The following STARD13 variants were observed in gnomAD, a reference collection of about 807,000 sequenced individuals.
The protein encoded by STARD13 is stAR-related lipid transfer protein 13.
Under a neutral mutation model 106.4 loss-of-function variants are expected in STARD13, and 62 were observed. That is an observed-to-expected ratio of 0.58 (90% CI 0.48 to 0.72). The LOEUF (loss-of-function observed/expected upper bound fraction) is 0.72. STARD13 is among the 30% of genes least tolerant of loss of function. STARD13 has a pLI of 0.00. For synonymous variants in STARD13, 565 were observed against 553.0 expected (o/e 1.02, Z -0.31); for missense variants, 1,387 against 1,424.0 (o/e 0.97, Z 0.42).
At chr13:33,653,294 A>G in the STARD13 span, among the ~76,000 whole-genome samples, 3 of 152,174 alleles carry the variant, frequency 2.0e-5, no homozygotes, top group Non-Finnish European at 2.9e-5. Context: ...AACTTGCAGT[A>G]ATCAAAACAG....
At chr13:33,533,599 C>A in the STARD13 span, among the ~76,000 whole-genome samples, 3 of 151,812 alleles carry the variant, frequency 2.0e-5, no homozygotes, top group Non-Finnish European at 2.9e-5. Context: ...TGTTTCCATT[C>A]AATAAAATTA....
At chr13:33,582,473 G>A in the STARD13 span, among the ~76,000 whole-genome samples, 5 of 152,144 alleles carry the variant, frequency 3.3e-5, no homozygotes, top group African/African-American at 1.2e-4. Context: ...TGTACTCTGT[G>A]CCCAACAGAA....
chr13:33,140,231 T>C (rs1334695903), intron 4 of STARD13, among the ~76,000 whole-genome samples: 1 of 152,258 alleles, frequency 6.6e-6, no homozygotes, highest in Non-Finnish European at 1.5e-5. Flanking sequence ...ACAACTCATG[T>C]CATTAGTTTT....
At chr13:33,306,814 G>A (rs2138483343) in intron 1 of STARD13, among the ~76,000 whole-genome samples, 1 of 152,272 alleles carries the variant, frequency 6.6e-6, no homozygotes, top group East Asian at 1.9e-4. Flanking sequence ...GCCAGGAGTG[G>A]TGGTACATGC....
At chr13:33,572,466 G>T in the STARD13 span, among the ~76,000 whole-genome samples, 1 of 152,120 alleles carries the variant, frequency 6.6e-6, no homozygotes, top group East Asian at 1.9e-4. Flanking sequence ...TCCACCACGT[G>T]GCTGTGCTGG....
intron 1 of STARD13, among the ~76,000 whole-genome samples, chr13:33,206,396 C>CACACACACACACACA (rs60105580): frequency 1.3e-5 from 2 of 148,462 alleles, no homozygotes; most frequent in Non-Finnish European, 3.0e-5. Flanking sequence ...CACACACACA[C>CACACACACACACACA]CCATAAATAA....
At chr13:33,598,834 G>A in the STARD13 span, among the ~76,000 whole-genome samples, 1 of 152,206 alleles carries the variant, frequency 6.6e-6, no homozygotes, top group Non-Finnish European at 1.5e-5. Context: ...CGGGAGCTGG[G>A]CATTTTTCAT....
At chr13:33,424,555 G>A in the STARD13 span, among the ~76,000 whole-genome samples, 1 of 152,146 alleles carries the variant, frequency 6.6e-6, no homozygotes, top group Non-Finnish European at 1.5e-5. Context: ...CAAGCCCAGG[G>A]TCTCCTGTGT....
At chr13:33,607,823 G>A in the STARD13 span, among the ~76,000 whole-genome samples, 3 of 152,048 alleles carry the variant, frequency 2.0e-5, no homozygotes, top group African/African-American at 7.2e-5. Flanking sequence ...ATAATCAGAT[G>A]ACATAATTTT....
chr13:33,207,448 G>C lies in STARD13; in HGVS notation c.170-39826C>G, dbSNP rs1324140923. Reference sequence around the variant, plus strand: ...AGAGGTACTCACTCTAAGAGAGGGAGTATAGAGTATTGTGAGAAGCCTGAG... The same window carrying C: ...AGAGGTACTCACTCTAAGAGAGGGACTATAGAGTATTGTGAGAAGCCTGAG... On this transcript the variant is annotated intron_variant, in intron 1 of 13. Transcript: ENST00000336934. 8.5e-4 allele frequency among the ~76,000 whole-genome samples: 129 copies of C among 152,356 alleles called. 1 individual carries two copies. The Middle Eastern group carries it at 0.01, about 12-fold the overall frequency.
At chr13:33,112,637 A>T (rs1337635615) in intron 9 of STARD13, 84 bp downstream of exon 9, 3 of 1,016,428 alleles carry the variant, frequency 3.0e-6, no homozygotes, top group African/African-American at 1.6e-5. Flanking sequence ...GTATCTATCT[A>T]TCCATCCATC....
At chr13:33,543,295 A>G in the STARD13 span, among the ~76,000 whole-genome samples, 1 of 152,174 alleles carries the variant, frequency 6.6e-6, no homozygotes, top group Non-Finnish European at 1.5e-5. Flanking sequence ...CCTGCTGTGT[A>G]TGTTAGGAAC....
chr13:33,486,428 A>G, the STARD13 span, among the ~76,000 whole-genome samples: 2 of 152,174 alleles, frequency 1.3e-5, no homozygotes, highest in Non-Finnish European at 2.9e-5. Context: ...TAACTTATAA[A>G]TTGGGCACAG....
At chr13:33,159,442 C>T (rs559417149) in intron 3 of STARD13, among the ~76,000 whole-genome samples, 1 of 152,322 alleles carries the variant, frequency 6.6e-6, no homozygotes, top group South Asian at 2.1e-4. Flanking sequence ...TCAACACCCA[C>T]ATGTTTGAGA....
chr13:33,290,592 C>T (rs1254942318), upstream of STARD13, among the ~76,000 whole-genome samples: 2 of 152,262 alleles, frequency 1.3e-5, no homozygotes, highest in Admixed American at 1.3e-4. Context: ...GAGTCCAGAT[C>T]CTGCCGCAAA....
the STARD13 span, among the ~76,000 whole-genome samples, chr13:33,392,847 G>A: frequency 6.6e-6 from 1 of 152,130 alleles, no homozygotes; most frequent in Non-Finnish European, 1.5e-5. Flanking sequence ...GCCTCATGTG[G>A]GTCACCTTTC....
chr13:33,418,193 G>T, the STARD13 span, among the ~76,000 whole-genome samples: 2 of 152,206 alleles, frequency 1.3e-5, no homozygotes, highest in African/African-American at 4.8e-5. Flanking sequence ...GCCAAGAGAA[G>T]CCGTGACAGA....
Position 33,105,582 on chromosome 13 carries a change from C to T in STARD13, c.*11G>A. 1 of 1,586,388 alleles carries T rather than the reference C, an allele frequency of 6.3e-7. No homozygotes were observed. Among genetic ancestry groups the T allele is most frequent in the South Asian group, 1.1e-5 (1 of 90,570 alleles). ...CCTCTTCCCTGAGTTTGATGTCACA[C>T]TGGGCAAAACTCAGATTTTAGTTTC... On this transcript the variant is annotated 3_prime_UTR_variant, in exon 14 of 14. Coordinates refer to ENST00000336934, the MANE Select transcript of STARD13 (RefSeq NM_178006.4).
chr13:33,432,571 T>C, the STARD13 span, among the ~76,000 whole-genome samples: 4 of 152,234 alleles, frequency 2.6e-5, no homozygotes, highest in East Asian at 7.7e-4. Flanking sequence ...CAAAGTTATC[T>C]GCTAGACTGC....
Sources: gnomAD v4.1 joint callset for allele counts (sites outside exome capture counted in the v4.1 genomes callset) on GRCh38, gnomAD v4.1.1 for gene constraint, MANE v1.5 for transcripts, NCBI Gene and HGNC (gene_info 2026-07-23, HGNC 2026-07-21) for gene names.